EML1: variants seen among roughly 807,000 people sequenced by gnomAD.
EML1 encodes the protein EMAP like 1.
In EML1, 27 loss-of-function variants were observed where a neutral mutation model predicts 110.4. That is an observed-to-expected ratio of 0.24 (90% CI 0.18 to 0.34). The LOEUF is 0.34. Among genes scored for constraint, EML1 ranks in the 10% least tolerant of loss-of-function variants. The pLI is 1.00. For synonymous variants in EML1, 344 were observed against 385.8 expected (o/e 0.89, Z 1.27); for missense variants, 741 against 1,030.9 (o/e 0.72, Z 3.85).
Position 99,914,632 on chromosome 14 carries a change from C to T in EML1, c.1687C>T (p.His563Tyr). ...ASKSQFLTCG[H>Y]DKHATLWDAV... The stretch of plus-strand genomic sequence containing the variant: ...AAAATCTCAGTTCTTGACCTGTGGG[C>T]ATGACAAGCATGCCACTCTCTGGGA... The change falls in exon 15 of 22, where the codon CAT becomes TAT. Residue 563 changes from histidine (H) to tyrosine (Y), a missense_variant. His to Tyr is a moderately conservative substitution (Grantham distance 83). Coordinates refer to ENST00000262233, the MANE Select transcript of EML1 (RefSeq NM_004434.3). 1 of 1,612,834 alleles carries T rather than the reference C, an allele frequency of 6.2e-7. No homozygotes were observed. Among genetic ancestry groups the T allele is most frequent in the Non-Finnish European group, 8.5e-7 (1 of 1,179,816 alleles).
intron 15 of EML1, among the ~76,000 whole-genome samples, chr14:99,916,027 G>A (rs770371956): frequency 1.3e-5 from 2 of 152,246 alleles, no homozygotes; most frequent in African/African-American, 2.4e-5. Flanking sequence ...CGTGATGGCA[G>A]GAAAGGGCTA....
At chr14:99,751,348 G>A (rs1566848643) in intron 1 of EML1, among the ~76,000 whole-genome samples, 1 of 152,168 alleles carries the variant, frequency 6.6e-6, no homozygotes, top group South Asian at 2.1e-4. Context: ...GCCACTGCAT[G>A]GAGGGTCCTG....
At chr14:99,925,443 G>T (rs546866755) in intron 17 of EML1, among the ~76,000 whole-genome samples, 1 of 151,582 alleles carries the variant, frequency 6.6e-6, no homozygotes, top group African/African-American at 2.4e-5. Flanking sequence ...TTAGAGACAG[G>T]GTATTCCTAT....
intron 17 of EML1, among the ~76,000 whole-genome samples, chr14:99,922,634 A>G (rs1215983371): frequency 6.6e-6 from 1 of 152,188 alleles, no homozygotes; most frequent in Non-Finnish European, 1.5e-5. Context: ...TTCTAGTATC[A>G]TCACATCCTC....
chr14:99,850,751 T>C, intron 1 of EML1, 102 bp from the exon 2 acceptor site: 1 of 1,274,330 alleles, frequency 7.8e-7, no homozygotes, highest in Non-Finnish European at 1.1e-6. Context: ...AGTGTTACTA[T>C]GTTAAAACAA....
At chr14:99,774,394 CGATTGTTAAAAG>C (rs1268681411) in intron 1 of EML1, among the ~76,000 whole-genome samples, 2 of 152,140 alleles carry the variant, frequency 1.3e-5, no homozygotes, top group African/African-American at 2.4e-5. Flanking sequence ...TTGGCCATGG[CGATTGTTAAAAG>C]ATGCAAATGC....
chr14:99,926,327 C>G (rs1052246428), intron 17 of EML1, among the ~76,000 whole-genome samples: 2 of 149,500 alleles, frequency 1.3e-5, no homozygotes, highest in Non-Finnish European at 3.0e-5. Context: ...CACTGTTGTT[C>G]AGGCTGGAGT....
intron 1 of EML1, among the ~76,000 whole-genome samples, chr14:99,787,824 TTCTTA>T (rs1487046538): frequency 6.6e-6 from 1 of 152,124 alleles, no homozygotes; most frequent in African/African-American, 2.4e-5. Context: ...AAATTTCCCC[TTCTTA>T]TAAGGACACC....
At position 99,891,326 on chromosome 14, in the gene EML1, C is replaced by T. The variant is rs540571810; in HGVS notation, c.547+99C>T. Reference sequence around the variant, plus strand: ...GCCAGCTTCAGGGGCCAGCCTTGGACACACAGGAGCTTTGGTTTGTGCAGG... The same window carrying T: ...GCCAGCTTCAGGGGCCAGCCTTGGATACACAGGAGCTTTGGTTTGTGCAGG... On this transcript the variant is annotated intron_variant, in intron 5 of 21. Coordinates refer to ENST00000262233, the MANE Select transcript of EML1 (RefSeq NM_004434.3). 2.6e-5 allele frequency: 39 copies of T among 1,474,182 alleles called. No individual in the cohort carries two copies. The South Asian group carries it at 4.5e-4, about 17-fold the overall frequency. The allele number at this position is 1,474,182 out of a possible 1,614,324, so 91.3% of individuals were successfully genotyped here.
At position 99,939,087 on chromosome 14, in the gene EML1, C is replaced by T. The variant is rs569108910; in HGVS notation, c.2192-110C>T. On this transcript the variant is annotated intron_variant, in intron 20 of 21. Transcript: ENST00000262233. The surrounding 1 kb of genome is among the most constrained non-coding windows in gnomAD (Gnocchi z 4.2). Reference sequence around the variant, plus strand: ...GCTTTTTTGACCCTTGTTTCTAAAGCTGGACTTCAGGCAGTTTCATGTTCA... The same window carrying T: ...GCTTTTTTGACCCTTGTTTCTAAAGTTGGACTTCAGGCAGTTTCATGTTCA... 182 of 1,492,522 alleles carry T rather than the reference C, an allele frequency of 1.2e-4. 3 individuals are homozygous for T. The South Asian group carries it at 2.3e-3, about 19-fold the overall frequency. The allele number at this position is 1,492,522 out of a possible 1,614,324, so 92.5% of individuals were successfully genotyped here. A position where few individuals can be genotyped will look rare whatever the true frequency, so the allele number is the denominator to read the frequency against.
chr14:99,927,819 G>A (rs1312760064), intron 17 of EML1, among the ~76,000 whole-genome samples: 15 of 61,644 alleles, frequency 2.4e-4, no homozygotes, highest in South Asian at 6.2e-4. Flanking sequence ...TGGGGGGGTG[G>A]TGGTGGTGGT....
At chr14:99,744,044 C>T (rs950970066) in intron 1 of EML1, among the ~76,000 whole-genome samples, 3 of 152,026 alleles carry the variant, frequency 2.0e-5, no homozygotes, top group Admixed American at 6.6e-5. Flanking sequence ...GGTAAAAGGT[C>T]GCCCATAGAC....
intron 1 of EML1, among the ~76,000 whole-genome samples, chr14:99,845,074 G>A (rs2058686803): frequency 6.6e-6 from 1 of 152,162 alleles, no homozygotes; most frequent in African/African-American, 2.4e-5. Flanking sequence ...GTGTTTATAA[G>A]AAAATGGTAA....
chr14:99,933,355 T>C (rs1250882302), intron 17 of EML1, among the ~76,000 whole-genome samples: 1 of 152,148 alleles, frequency 6.6e-6, no homozygotes, highest in Non-Finnish European at 1.5e-5. Context: ...TTTGTATTTT[T>C]AGTAGAGACA....
At chr14:99,753,209 C>T (rs1299345933) in intron 1 of EML1, among the ~76,000 whole-genome samples, 2 of 135,224 alleles carry the variant, frequency 1.5e-5, no homozygotes, top group African/African-American at 5.4e-5. Flanking sequence ...CCCCCGCCGC[C>T]CCCCCACCCC....
chr14:99,864,995 G>A (rs1274944608), intron 2 of EML1, among the ~76,000 whole-genome samples: 1 of 152,086 alleles, frequency 6.6e-6, no homozygotes. Flanking sequence ...CACAGAAGTG[G>A]GGCGGGTGGT....
chr14:99,743,354 T>G (rs2057066323), intron 1 of EML1, among the ~76,000 whole-genome samples: 1 of 152,102 alleles, frequency 6.6e-6, no homozygotes, highest in Non-Finnish European at 1.5e-5. Flanking sequence ...CCCTGCACCC[T>G]TGGAGCACCC....
chr14:99,907,487 A>C, intron 9 of EML1, 151 bp from the exon 10 acceptor site: 1 of 679,856 alleles, frequency 1.5e-6, no homozygotes, highest in Non-Finnish European at 2.4e-6. Flanking sequence ...AAAGAAAGAA[A>C]GAAAGCAGGT....
At chr14:99,741,532 G>A (rs1443605967) in intron 1 of EML1, among the ~76,000 whole-genome samples, 2 of 152,066 alleles carry the variant, frequency 1.3e-5, no homozygotes, top group East Asian at 3.9e-4. Context: ...GGTTTTCCAA[G>A]CATAGGGCCT....
Sources: gnomAD v4.1 joint callset for allele counts (sites outside exome capture counted in the v4.1 genomes callset) on GRCh38, gnomAD v4.1.1 for gene constraint, Gnocchi (gnomAD v3.1) non-coding constraint, MANE v1.5 for transcripts, NCBI Gene and HGNC (gene_info 2026-07-23, HGNC 2026-07-21) for gene names.